Variants in NAALADL2 observed in about 807,000 individuals in gnomAD.
NAALADL2 encodes N-acetylated alpha-linked acidic dipeptidase like 2.
A neutral mutation model predicts 87.2 loss-of-function variants in NAALADL2; 76 were observed. The ratio of observed to expected loss-of-function variants is 0.87; its 90% confidence interval spans 0.72 to 1.05. The LOEUF (loss-of-function observed/expected upper bound fraction) is 1.05. NAALADL2 is among the 50% of genes least tolerant of loss of function. NAALADL2 has a pLI of 0.00. For missense variants in NAALADL2, 1,089 were observed against 945.8 expected (o/e 1.15, Z -1.99); for synonymous variants, 354 against 331.0 (o/e 1.07, Z -0.75).
At chr3:175,705,507 C>T (rs1413710319) in intron 11 of NAALADL2, among the ~76,000 whole-genome samples, 2 of 150,886 alleles carry the variant, frequency 1.3e-5, no homozygotes, top group African/African-American at 4.9e-5. Context: ...TGTTGCTTTT[C>T]TCATCCTAAA....
At chr3:174,701,279 A>G (rs770472193) in intron 2 of NAALADL2, among the ~76,000 whole-genome samples, 3 of 151,690 alleles carry the variant, frequency 2.0e-5, no homozygotes, top group Non-Finnish European at 4.4e-5. Flanking sequence ...TATATCTCAT[A>G]TGAACCTAAC....
At chr3:175,454,714 G>C (rs566880935) in intron 6 of NAALADL2, among the ~76,000 whole-genome samples, 1 of 152,044 alleles carries the variant, frequency 6.6e-6, no homozygotes, top group East Asian at 1.9e-4. Context: ...GATTTGTTTT[G>C]TATTTTATTT....
At chr3:175,778,618 T>C (rs1303802680) in intron 13 of NAALADL2, among the ~76,000 whole-genome samples, 1 of 152,198 alleles carries the variant, frequency 6.6e-6, no homozygotes, top group Non-Finnish European at 1.5e-5. Context: ...ATAAAGCTTT[T>C]TATTGTATAT....
At chr3:175,688,241 AAAT>A (rs900118236) in intron 11 of NAALADL2, among the ~76,000 whole-genome samples, 16 of 152,138 alleles carry the variant, frequency 1.1e-4, no homozygotes, top group Non-Finnish European at 4.4e-5. Flanking sequence ...CTCGTGACCC[AAAT>A]AATATTTTAA....
intron 11 of NAALADL2, among the ~76,000 whole-genome samples, chr3:175,662,823 G>A (rs1244605673): frequency 6.6e-6 from 1 of 151,804 alleles, no homozygotes; most frequent in Non-Finnish European, 1.5e-5. Context: ...TGAATCATCT[G>A]GTGTCCCTGG....
At chr3:174,683,674 T>C (rs1727770372) in intron 2 of NAALADL2, among the ~76,000 whole-genome samples, 1 of 151,096 alleles carries the variant, frequency 6.6e-6, no homozygotes, top group Non-Finnish European at 1.5e-5. Flanking sequence ...GTGTAATGTA[T>C]ATGTATTTTT....
Position 174,764,390 on chromosome 3 carries a change from T to G in NAALADL2, c.-9+26644T>G, listed in dbSNP as rs368382493. On this transcript the variant is annotated intron_variant, in intron 3 of 3. Coordinates refer to the NAALADL2 transcript ENST00000434257. The stretch of plus-strand genomic sequence containing the variant: ...ACTTTGGGAGGTTGAGGCAGGTGGA[T>G]CATGAGATCAAGAGATTGAGGCCAT... Among the ~76,000 whole-genome samples the G allele has an allele frequency of 6.7e-4, 102 of 152,272 alleles. 2 individuals are homozygous for G. The highest frequency in any genetic ancestry group is 2.3e-3 in the African/African-American group (96 of 41,568).
At chr3:174,488,783 G>A (rs1578010740) in intron 1 of NAALADL2, among the ~76,000 whole-genome samples, 1 of 151,878 alleles carries the variant, frequency 6.6e-6, no homozygotes, top group East Asian at 1.9e-4. Flanking sequence ...TAAATAAGCG[G>A]TTCTCATATC....
rs78401345 is a variant in NAALADL2, at chr3:175,474,816, G to A, written c.1653+3058G>A. On this transcript the variant is annotated intron_variant, in intron 9 of 13. Coordinates refer to ENST00000454872, the MANE Select transcript of NAALADL2 (RefSeq NM_207015.3). ...TGCTCACCTTGTATTTGGTTCTTAT[G>A]AAGGTTTTTTCTTGTGTAGATAGCT... Among the ~76,000 whole-genome samples, 1,111 of 152,128 alleles carry A rather than the reference G, an allele frequency of 7.3e-3. 16 individuals carry two copies. Among genetic ancestry groups the A allele is most frequent in the African/African-American group, 0.025 (1,041 of 41,530 alleles).
intron 1 of NAALADL2, among the ~76,000 whole-genome samples, chr3:174,912,148 T>C (rs1382354129): frequency 1.3e-5 from 2 of 152,000 alleles, no homozygotes; most frequent in African/African-American, 4.8e-5. Context: ...GTTCTCTCAT[T>C]TTCCATAAAA....
chr3:175,447,486 T>C (rs1294067152), intron 6 of NAALADL2, 114 bp downstream of exon 6: 1 of 659,994 alleles, frequency 1.5e-6, no homozygotes, highest in Non-Finnish European at 2.3e-6. Flanking sequence ...CATTGACTTT[T>C]GATGAAGTGA....
At chr3:174,709,967 C>T (rs1265980382) in intron 2 of NAALADL2, among the ~76,000 whole-genome samples, 3 of 152,072 alleles carry the variant, frequency 2.0e-5, no homozygotes, top group Admixed American at 1.3e-4. Context: ...ATTTATAAGG[C>T]CTTTGTTTAT....
chr3:174,672,007 A>G (rs544930825), intron 2 of NAALADL2, among the ~76,000 whole-genome samples: 39 of 151,962 alleles, frequency 2.6e-4, no homozygotes, highest in Non-Finnish European at 4.7e-4. Flanking sequence ...GCAATCCTTT[A>G]TAAGTATTTC....
intron 3 of NAALADL2, among the ~76,000 whole-genome samples, chr3:174,802,578 G>A (rs1271418948): frequency 1.3e-5 from 2 of 151,992 alleles, no homozygotes; most frequent in East Asian, 1.9e-4. Flanking sequence ...GGTTTGCTGC[G>A]ACCATCAATT....
chr3:175,551,301 CAG>C (rs544779714), intron 9 of NAALADL2, among the ~76,000 whole-genome samples: 11 of 152,052 alleles, frequency 7.2e-5, no homozygotes, highest in Non-Finnish European at 1.0e-4. Context: ...GATAGGCTTT[CAG>C]AGAGTGTCGG....
At chr3:174,823,665 C>G (rs1331002104) in intron 3 of NAALADL2, among the ~76,000 whole-genome samples, 1 of 152,136 alleles carries the variant, frequency 6.6e-6, no homozygotes, top group African/African-American at 2.4e-5. Context: ...GGAAAGAAAA[C>G]TTAATATTCT....
intron 11 of NAALADL2, chr3:175,676,094 G>T (rs970179984): frequency 2.0e-5 from 3 of 152,024 alleles, no homozygotes; most frequent in African/African-American, 7.2e-5. Flanking sequence ...TTCATCAGGG[G>T]CAAAGTAATG....
At chr3:174,571,245 A>T (rs556726931) in intron 2 of NAALADL2, among the ~76,000 whole-genome samples, 1 of 152,338 alleles carries the variant, frequency 6.6e-6, no homozygotes, top group African/African-American at 2.4e-5. Flanking sequence ...TAGGCTAAAA[A>T]TTGGGGTAAA....
intron 1 of NAALADL2, among the ~76,000 whole-genome samples, chr3:174,875,482 GAGAC>G (rs1033530853): frequency 1.3e-5 from 2 of 152,058 alleles, no homozygotes; most frequent in Admixed American, 6.6e-5. Context: ...CCTTTTTTAA[GAGAC>G]AGAGTTCATA....
Sources: allele counts gnomAD v4.1 joint callset (sites outside exome capture counted in the v4.1 genomes callset), GRCh38; gene constraint gnomAD v4.1.1; transcripts MANE v1.5; gene names NCBI Gene and HGNC (gene_info 2026-07-23, HGNC 2026-07-21).